The following SRRM4 variants were observed in gnomAD, a reference collection of about 807,000 sequenced individuals.
The protein encoded by SRRM4 is serine/arginine repetitive matrix 4, also known as serine/arginine repetitive matrix protein 4.
Under a neutral mutation model 68.9 loss-of-function variants are expected in SRRM4, and 33 were observed. That is an observed-to-expected ratio of 0.48 (90% CI 0.36 to 0.64). SRRM4 has a LOEUF of 0.64. Ranked by LOEUF, SRRM4 falls within the 30% of genes least tolerant of loss-of-function variation. The pLI, the probability that SRRM4 is intolerant of heterozygous loss-of-function variation, is 0.00. For synonymous variants in SRRM4, 318 were observed against 318.8 expected (o/e 1.00, Z 0.03); for missense variants, 817 against 827.1 (o/e 0.99, Z 0.15).
intron 8 of SRRM4, among the ~76,000 whole-genome samples, chr12:119,136,464 G>A (rs1183090176): frequency 1.3e-5 from 2 of 151,844 alleles, no homozygotes; most frequent in African/African-American, 4.9e-5. Flanking sequence ...TGGGCCATTG[G>A]TTTTTGTTTG....
At chr12:119,054,072 A>C (rs1341330274) in intron 1 of SRRM4, among the ~76,000 whole-genome samples, 1 of 151,652 alleles carries the variant, frequency 6.6e-6, no homozygotes, top group Non-Finnish European at 1.5e-5. Flanking sequence ...CCATCCTTCT[A>C]CTCTCTATGT....
At chr12:118,998,111 A>G (rs1000426335) in intron 1 of SRRM4, among the ~76,000 whole-genome samples, 2 of 152,032 alleles carry the variant, frequency 1.3e-5, no homozygotes, top group African/African-American at 4.8e-5. Context: ...TTTAATGGAC[A>G]CTATTTGCAT....
intron 2 of SRRM4, among the ~76,000 whole-genome samples, chr12:119,111,544 C>T (rs888349946): frequency 6.6e-6 from 1 of 152,330 alleles, no homozygotes; most frequent in Admixed American, 6.5e-5. Flanking sequence ...TTGTAAGACA[C>T]ACTCTAAAAG....
chr12:119,135,890 T>C lies in SRRM4; in HGVS notation c.771+5056T>C, dbSNP rs768819110. ...CACGTCTTTGGGCCTCATATCCTTATCTGTGCCTTGGGCTAATAATAATCA... is the reference window on the plus strand; with the variant it reads ...CACGTCTTTGGGCCTCATATCCTTACCTGTGCCTTGGGCTAATAATAATCA... On this transcript the variant is annotated intron_variant, in intron 8 of 12. Coordinates refer to ENST00000267260, the MANE Select transcript of SRRM4 (RefSeq NM_194286.4). 4.6e-5 allele frequency among the ~76,000 whole-genome samples: 7 copies of C among 152,264 alleles called. No homozygotes were observed. The East Asian group carries it at 1.2e-3, about 25-fold the overall frequency.
At chr12:119,096,706 C>T (rs1351867227) in intron 1 of SRRM4, among the ~76,000 whole-genome samples, 3 of 152,178 alleles carry the variant, frequency 2.0e-5, no homozygotes, top group Non-Finnish European at 4.4e-5. Context: ...GGGTTCTTCC[C>T]GCTCCACCAT....
Position 119,089,229 on chromosome 12 carries a change from C to T in SRRM4, c.132-13007C>T, listed in dbSNP as rs188499742. Among the ~76,000 whole-genome samples, 636 of 152,224 alleles carry T rather than the reference C, an allele frequency of 4.2e-3. 11 individuals are homozygous for T. The South Asian group carries it at 0.059, about 14-fold the overall frequency. ...TCTGTTTTTGCCGAAACCCACCGCA[C>T]CACCCCAAGTCCTTTTGGAGCCACG... On this transcript the variant is annotated intron_variant, in intron 1 of 12. Transcript: ENST00000267260.
intron 1 of SRRM4, among the ~76,000 whole-genome samples, chr12:119,081,095 G>A (rs1420219944): frequency 3.3e-5 from 5 of 152,140 alleles, no homozygotes; most frequent in African/African-American, 1.2e-4. Context: ...TCAAAGATCC[G>A]AGAAATAGCT....
chr12:119,082,983 G>A (rs926945279), intron 1 of SRRM4, among the ~76,000 whole-genome samples: 1 of 152,200 alleles, frequency 6.6e-6, no homozygotes, highest in Non-Finnish European at 1.5e-5. Context: ...AACATAGGAA[G>A]GAAAGCGGGG....
chr12:119,095,079 G>A (rs1354805563), intron 1 of SRRM4, among the ~76,000 whole-genome samples: 5 of 152,124 alleles, frequency 3.3e-5, no homozygotes, highest in Non-Finnish European at 1.5e-5. Flanking sequence ...AGCCACAATG[G>A]CAAAGCTCAA....
At chr12:119,090,350 G>A (rs531617839) in intron 1 of SRRM4, among the ~76,000 whole-genome samples, 21 of 152,286 alleles carry the variant, frequency 1.4e-4, no homozygotes, top group Middle Eastern at 3.4e-3. Flanking sequence ...ATAGGAGAAA[G>A]GGAGTGAGGA....
intron 1 of SRRM4, among the ~76,000 whole-genome samples, chr12:119,015,220 C>T (rs572867518): frequency 7.9e-5 from 12 of 152,218 alleles, no homozygotes; most frequent in East Asian, 1.9e-4. Flanking sequence ...GTAATCAATC[C>T]GCCAGCAGGT....
intron 8 of SRRM4, among the ~76,000 whole-genome samples, chr12:119,142,510 C>T (rs746841769): frequency 5.3e-5 from 8 of 152,148 alleles, no homozygotes; most frequent in Non-Finnish European, 1.0e-4. Context: ...GAAATCCTTG[C>T]CTACGGGGAT....
chr12:119,152,819 T>TA (rs1183891289), intron 10 of SRRM4, among the ~76,000 whole-genome samples: 3 of 152,112 alleles, frequency 2.0e-5, no homozygotes, highest in African/African-American at 7.2e-5. Flanking sequence ...TGGGAGGCAT[T>TA]AACAGAAAGC....
intron 1 of SRRM4, among the ~76,000 whole-genome samples, chr12:119,067,193 A>G (rs1162414543): frequency 6.6e-6 from 1 of 152,040 alleles, no homozygotes; most frequent in African/African-American, 2.4e-5. Context: ...ATCTCCATCA[A>G]ATTAAAACTT....
At chr12:119,047,030 T>A (rs1279566022) in intron 1 of SRRM4, among the ~76,000 whole-genome samples, 12 of 122,194 alleles carry the variant, frequency 9.8e-5, no homozygotes, top group East Asian at 4.9e-4. Context: ...AGATCCCGTC[T>A]AAAAAAAAAA....
At chr12:119,088,829 A>G (rs1217793086) in intron 1 of SRRM4, among the ~76,000 whole-genome samples, 1 of 152,228 alleles carries the variant, frequency 6.6e-6, no homozygotes, top group Non-Finnish European at 1.5e-5. Flanking sequence ...TTGGAAGACT[A>G]GGTCCCAAAG....
chr12:119,119,365 AC>A (rs1443682605), intron 4 of SRRM4, among the ~76,000 whole-genome samples: 1 of 151,696 alleles, frequency 6.6e-6, no homozygotes, highest in African/African-American at 2.4e-5. Context: ...TCCAATTCTC[AC>A]ATTCTAGTGG....
intron 10 of SRRM4, among the ~76,000 whole-genome samples, chr12:119,151,992 A>C (rs570218944): frequency 6.6e-6 from 1 of 152,310 alleles, no homozygotes; most frequent in Non-Finnish European, 1.5e-5. Flanking sequence ...GAGAAGAAAA[A>C]TTATGGCCAT....
intron 8 of SRRM4, among the ~76,000 whole-genome samples, chr12:119,132,598 A>G (rs139231760): frequency 1.2e-4 from 18 of 152,316 alleles, no homozygotes; most frequent in African/African-American, 4.3e-4. Flanking sequence ...GTCCTCCCAC[A>G]CAAGCTGGGG....
Sources: allele counts gnomAD v4.1 joint callset (sites outside exome capture counted in the v4.1 genomes callset), GRCh38; gene constraint gnomAD v4.1.1; transcripts MANE v1.5; gene names NCBI Gene and HGNC (gene_info 2026-07-23, HGNC 2026-07-21).